The following R3HDM2 variants were observed in gnomAD, a reference collection of about 807,000 sequenced individuals.
R3HDM2 encodes the protein R3H domain containing 2.
A neutral mutation model predicts 124.5 loss-of-function variants in R3HDM2; 38 were observed. The observed-to-expected ratio is 0.31, with a 90% CI of 0.24 to 0.40. The LOEUF (loss-of-function observed/expected upper bound fraction) is 0.40, where lower values mean the gene tolerates loss of function less well. R3HDM2 is among the 10% of genes least tolerant of loss of function. The probability of loss-of-function intolerance (pLI) is 1.00; values close to 1 mark genes in which losing one functional copy is unlikely to be tolerated. For synonymous variants in R3HDM2, 391 were observed against 448.0 expected, an observed-to-expected ratio of 0.87 and a Z score of 1.61; for missense variants, 869 against 1,236.9, an observed-to-expected ratio of 0.70 and a Z score of 4.46.
chr12:57,281,614 T>C (rs2046159396), intron 13 of R3HDM2, among the ~76,000 whole-genome samples: 1 of 152,002 alleles, frequency 6.6e-6, no homozygotes, highest in Non-Finnish European at 1.5e-5. Flanking sequence ...GCCTCCCAAG[T>C]AGCTGGGATT....
At chr12:57,276,610 G>A (rs181960741) in intron 14 of R3HDM2, among the ~76,000 whole-genome samples, 707 of 152,300 alleles carry the variant, frequency 4.6e-3, no homozygotes, top group Middle Eastern at 6.8e-3. Flanking sequence ...AAAATGGGCC[G>A]GGCACAGCGG....
chr12:57,254,878 G>A lies in R3HDM2; in HGVS notation c.2868C>T (p.Ala956=), dbSNP rs774751301. Residue 956 remains alanine (A), a synonymous_variant, in exon 24 of 24, where the codon GCC becomes GCT. Coordinates refer to ENST00000402412, the MANE Select transcript of R3HDM2 (RefSeq NM_001394031.1). ...TGTTGAGACGAAGGGAGGCATTTTG[G>A]GCAGCCAGGGGGCTGGGGAACACAG... ...IVAVFPSPLA[A]QNASLRLNNS... 1.1e-5 allele frequency: 18 copies of A among 1,613,936 alleles called. No individual in the cohort carries two copies. The highest frequency in any genetic ancestry group is 1.2e-5 in the Non-Finnish European group (14 of 1,179,986).
intron 1 of R3HDM2, among the ~76,000 whole-genome samples, chr12:57,430,366 T>C (rs544893133): frequency 6.6e-6 from 1 of 152,248 alleles, no homozygotes; most frequent in Admixed American, 6.5e-5. Context: ...TATTTTTCCA[T>C]GCTCCACGCT....
intron 12 of R3HDM2, among the ~76,000 whole-genome samples, chr12:57,287,964 G>A (rs566502891): frequency 2.3e-4 from 35 of 151,352 alleles, no homozygotes; most frequent in Non-Finnish European, 7.4e-5. Context: ...ATGAACAATC[G>A]TATGAAGGAC....
At chr12:57,371,770 G>A (rs142388104) in intron 2 of R3HDM2, among the ~76,000 whole-genome samples, 202 of 152,304 alleles carry the variant, frequency 1.3e-3, no homozygotes, top group Middle Eastern at 6.8e-3. Flanking sequence ...GGAAGGATAT[G>A]GCATAGCTTC....
intron 2 of R3HDM2, among the ~76,000 whole-genome samples, chr12:57,339,719 G>A (rs1555271554): frequency 6.6e-6 from 1 of 151,802 alleles, no homozygotes; most frequent in Non-Finnish European, 1.5e-5. Flanking sequence ...AAGAGAGAGA[G>A]AGAAGGAGAA....
rs566868060 is a variant in R3HDM2, at chr12:57,260,263, CAAAAA to C, written c.2132-1209_2132-1205del. On this transcript the variant is annotated intron_variant, in intron 19 of 23. Transcript: ENST00000402412. ...TGGGTGACAGAATGAGACCCTGCCT[CAAAAA>C]AAAAAAAAAAAAAAAAAGCCTGCTG... 5.7e-4 allele frequency among the ~76,000 whole-genome samples: 18 copies of C among 31,564 alleles called. 2 individuals carry two copies. The highest frequency in any genetic ancestry group is 3.1e-3 in the East Asian group (2 of 638). The allele number at this position is 31,564 out of a possible 152,430, so 20.7% of individuals were successfully genotyped here.
chr12:57,271,212 T>C (rs2043519472), intron 14 of R3HDM2, among the ~76,000 whole-genome samples: 1 of 152,166 alleles, frequency 6.6e-6, no homozygotes, highest in South Asian at 2.1e-4. Flanking sequence ...GACACTAGCC[T>C]AGAATTCTCC....
At chr12:57,364,417 T>G (rs1368520406) in intron 2 of R3HDM2, among the ~76,000 whole-genome samples, 1 of 152,022 alleles carries the variant, frequency 6.6e-6, no homozygotes, top group Non-Finnish European at 1.5e-5. Context: ...CCCAAAGTGC[T>G]GGGATTATAG....
rs117287371 is a variant in R3HDM2 at position 57,330,018 on chromosome 12, G to A, written c.-35-19555C>T. Reference sequence around the variant, plus strand: ...GATGGAGTTTTGCTCTTATTGCCCAGGCTGGAGGTGCGATCTCGGCTCACC... The same window carrying A: ...GATGGAGTTTTGCTCTTATTGCCCAAGCTGGAGGTGCGATCTCGGCTCACC... On this transcript the variant is annotated intron_variant, in intron 2 of 23. Transcript: ENST00000402412. Among the ~76,000 whole-genome samples the A allele has an allele frequency of 5.3e-5, 8 of 152,260 alleles. No homozygotes were observed. In the East Asian group the frequency reaches 1.5e-3, roughly 29 times the overall value.
intron 17 of R3HDM2, 59 bp downstream of exon 17, chr12:57,268,863 C>T: frequency 6.4e-7 from 1 of 1,567,910 alleles, no homozygotes; most frequent in Non-Finnish European, 8.7e-7. Context: ...CCCTGGGAGG[C>T]TCTCCTTTTC....
At chr12:57,258,270 C>T (rs2137000262) in intron 20 of R3HDM2, 133 bp from the exon 21 acceptor site, 1 of 657,370 alleles carries the variant, frequency 1.5e-6, no homozygotes, top group South Asian at 7.7e-5. Flanking sequence ...TCAGACTCTT[C>T]CTTCAAACTG....
intron 2 of R3HDM2, among the ~76,000 whole-genome samples, chr12:57,320,283 A>AAAAAAAAAAAAAAAAAC: frequency 6.7e-6 from 1 of 148,238 alleles, no homozygotes; most frequent in Non-Finnish European, 1.5e-5. Context: ...AAAAAAAAAA[A>AAAAAAAAAAAAAAAAAC]AAAAAGCCTT....
chr12:57,296,664 C>T lies in R3HDM2; in HGVS notation c.561-113G>A. 2 of 1,121,030 alleles carry T rather than the reference C, an allele frequency of 1.8e-6. No homozygotes were observed. Among genetic ancestry groups the T allele is most frequent in the Non-Finnish European group, 2.5e-6 (2 of 796,752 alleles). The allele number at this position is 1,121,030 out of a possible 1,614,324, so 69.4% of individuals were successfully genotyped here. ...TGGAAAGTTTCTTAGGAGAAATAGA[C>T]ATATTATAAGGAATATAGATATTTA... is the stretch of plus-strand genomic sequence containing the variant. On this transcript the variant is annotated intron_variant, in intron 8 of 23. Transcript: ENST00000402412. The surrounding 1 kb of genome is among the most constrained non-coding windows in gnomAD (Gnocchi z 4.5).
intron 2 of R3HDM2, among the ~76,000 whole-genome samples, chr12:57,388,676 C>T (rs750675341): frequency 1.6e-4 from 25 of 152,138 alleles, no homozygotes; most frequent in Non-Finnish European, 2.5e-4. Context: ...TCCTGGACCA[C>T]GAAGGCAGTT....
chr12:57,357,602 T>C (rs2061443031), intron 2 of R3HDM2, among the ~76,000 whole-genome samples: 1 of 151,936 alleles, frequency 6.6e-6, no homozygotes, highest in East Asian at 1.9e-4. Context: ...GGCTAAAAGT[T>C]CAATTTTGTC....
intron 2 of R3HDM2, among the ~76,000 whole-genome samples, chr12:57,347,979 C>CA (rs1566278310): frequency 6.6e-6 from 1 of 150,872 alleles, no homozygotes; most frequent in African/African-American, 2.4e-5. Context: ...GACCCTGTCT[C>CA]AAAAAAAGAA....
At chr12:57,353,540 T>C (rs1235708296) in intron 2 of R3HDM2, among the ~76,000 whole-genome samples, 3 of 152,144 alleles carry the variant, frequency 2.0e-5, no homozygotes, top group African/African-American at 7.2e-5. Context: ...ATTTATTCAT[T>C]TATGTGTTGA....
chr12:57,406,017 T>C (rs920853657), intron 1 of R3HDM2, among the ~76,000 whole-genome samples: 1 of 151,778 alleles, frequency 6.6e-6, no homozygotes, highest in Non-Finnish European at 1.5e-5. Context: ...CAATGAGACA[T>C]TAATAAGGAT....
Sources: gnomAD v4.1 joint callset for allele counts (sites outside exome capture counted in the v4.1 genomes callset) on GRCh38, gnomAD v4.1.1 for gene constraint, Gnocchi (gnomAD v3.1) non-coding constraint, MANE v1.5 for transcripts, NCBI Gene and HGNC (gene_info 2026-07-23, HGNC 2026-07-21) for gene names.